DYNC2H1: variants seen among roughly 807,000 people sequenced by gnomAD.
DYNC2H1 encodes the protein cytoplasmic dynein 2 heavy chain 1.
Under a neutral mutation model 570.0 loss-of-function variants are expected in DYNC2H1, and 410 were observed. That is an observed-to-expected ratio of 0.72 (90% CI 0.66 to 0.78). DYNC2H1 has a LOEUF of 0.78. Ranked by LOEUF, DYNC2H1 falls within the 30% of genes least tolerant of loss-of-function variation. The pLI is 0.00. For missense variants in DYNC2H1, 4,865 were observed against 5,046.4 expected (o/e 0.96, Z 1.09); for synonymous variants, 1,688 against 1,677.6 (o/e 1.01, Z -0.15).
At chr11:103,258,654 T>C (rs554935846) in intron 69 of DYNC2H1, among the ~76,000 whole-genome samples, 1 of 152,330 alleles carries the variant, frequency 6.6e-6, no homozygotes, top group South Asian at 2.1e-4. Context: ...AGTAGATGGA[T>C]GGACTTCTTA....
chr11:103,220,705 C>G lies in DYNC2H1; in HGVS notation c.9029C>G (p.Pro3010Arg). 1.2e-6 allele frequency: 2 copies of G among 1,613,062 alleles called. No individual in the cohort carries two copies. The highest frequency in any genetic ancestry group is 1.7e-6 in the Non-Finnish European group (2 of 1,179,364). The change falls in exon 57 of 89, where the codon CCT (proline) becomes CGT (arginine). Residue 3010 changes from proline to arginine, a missense_variant. By Grantham distance (103) the Pro-to-Arg change is moderately radical (BLOSUM62 -2). Transcript: ENST00000375735. ...LSEIRSLRMP[P>R]DVIRDILEGV... is the part of the protein sequence containing the mutation. ...GAAATTCGCTCACTACGCATGCCAC[C>G]TGATGTAATTAGAGATATTCTTGAA...
At chr11:103,146,255 A>G (rs1366879492) in intron 18 of DYNC2H1, among the ~76,000 whole-genome samples, 1 of 152,192 alleles carries the variant, frequency 6.6e-6, no homozygotes. Context: ...ACCTGGCTCT[A>G]TGCTTTAAGA....
At chr11:103,459,921 C>G (rs1030688282) in intron 87 of DYNC2H1, among the ~76,000 whole-genome samples, 2 of 138,950 alleles carry the variant, frequency 1.4e-5, no homozygotes, top group Non-Finnish European at 3.0e-5. Flanking sequence ...CACTGCAGTC[C>G]GCAGTCCGGC....
At chr11:103,306,155 T>C (rs12275959) in intron 77 of DYNC2H1, among the ~76,000 whole-genome samples, 26,308 of 152,188 alleles carry the variant, frequency 0.17, 2,464 homozygotes, top group Admixed American at 0.26. Flanking sequence ...TCAAGTGATC[T>C]GCCTGCCTCA....
In DYNC2H1 at chr11:103,189,577, C is replaced by A; in HGVS notation, c.7293-95C>A. On this transcript the variant is annotated intron_variant, in intron 44 of 88. Transcript: ENST00000375735. The surrounding 1 kb of genome is among the most constrained non-coding windows in gnomAD (Gnocchi z 4.3). ...TGGAGATATGTAGGTCTTAGAGCAG[C>A]ACAGTTTCAAAACCACTGTTGTAAC... The A allele has an allele frequency of 8.1e-7, 1 of 1,232,616 alleles. No individual in the cohort carries two copies. Among genetic ancestry groups the A allele is most frequent in the Non-Finnish European group, 1.1e-6 (1 of 873,570 alleles). 76.4% of individuals were successfully genotyped at this position (1,232,616 alleles called of 1,614,324 possible). A position where few individuals can be genotyped will look rare whatever the true frequency, so the allele number is the denominator to read the frequency against.
At position 103,329,434 on chromosome 11, in the gene DYNC2H1, G is replaced by A. The variant is rs147055184; in HGVS notation, c.12039+5444G>A. Among the ~76,000 whole-genome samples, 580 of 152,158 alleles carry A rather than the reference G, an allele frequency of 3.8e-3. 5 individuals carry two copies. The highest frequency in any genetic ancestry group is 0.013 in the African/African-American group (556 of 41,538). On this transcript the variant is annotated intron_variant, in intron 82 of 88. Coordinates refer to ENST00000375735, the MANE Select transcript of DYNC2H1 (RefSeq NM_001377.3). ...AATGTTGGAGGATAGAAATCTAATT[G>A]CAGTAGTTTGGGAGGGAAAGTGGGT...
intron 83 of DYNC2H1, among the ~76,000 whole-genome samples, chr11:103,377,612 T>C (rs1010189309): frequency 6.6e-6 from 1 of 152,182 alleles, no homozygotes; most frequent in Non-Finnish European, 1.5e-5. Flanking sequence ...ATGAAACTAA[T>C]CTTTTACATT....
At chr11:103,436,394 G>A (rs777832922) in intron 85 of DYNC2H1, among the ~76,000 whole-genome samples, 1 of 151,862 alleles carries the variant, frequency 6.6e-6, no homozygotes, top group African/African-American at 2.4e-5. Flanking sequence ...TCTTCAAATT[G>A]ATCAAGTTTT....
intron 70 of DYNC2H1, among the ~76,000 whole-genome samples, chr11:103,272,061 T>C (rs1355193213): frequency 6.6e-6 from 1 of 152,186 alleles, no homozygotes; most frequent in Admixed American, 6.5e-5. Flanking sequence ...GACCCAGCCA[T>C]CCCATTACTG....
chr11:103,425,800 CAAAA>C (rs556085056), intron 84 of DYNC2H1, among the ~76,000 whole-genome samples: 1 of 150,384 alleles, frequency 6.6e-6, no homozygotes. Context: ...TTATACATAA[CAAAA>C]AAAAGAAGGT....
Position 103,199,988 on chromosome 11 carries a change from T to G in DYNC2H1, c.8089-58T>G. The G allele has an allele frequency of 8.7e-7, 1 of 1,155,394 alleles. No homozygotes were observed. The highest frequency in any genetic ancestry group is 1.3e-6 in the Non-Finnish European group (1 of 793,408). 71.6% of individuals were successfully genotyped at this position (1,155,394 alleles called of 1,614,324 possible). On this transcript the variant is annotated intron_variant, in intron 49 of 88. Coordinates refer to ENST00000375735, the MANE Select transcript of DYNC2H1 (RefSeq NM_001377.3). This position sits in a 1 kb window ranked among gnomAD's most constrained non-coding sequence, Gnocchi z 4.6. Reference sequence around the variant, plus strand: ...TTTACATACAAATACAAAATGTTAATTTTTAACTGTACCAAAAATACTTAA... The same window carrying G: ...TTTACATACAAATACAAAATGTTAAGTTTTAACTGTACCAAAAATACTTAA...
chr11:103,391,605 G>T (rs1942154259), intron 83 of DYNC2H1, among the ~76,000 whole-genome samples: 1 of 152,178 alleles, frequency 6.6e-6, no homozygotes, highest in Admixed American at 6.6e-5. Context: ...TTTCTGCTCT[G>T]TTTTTTCCCC....
rs1867123331 is a variant in DYNC2H1, at chr11:103,303,196, T to C, written c.11199T>C (p.Pro3733=). The change falls in exon 76 of 89, where the codon CCT becomes CCC. Residue 3733 remains proline, a synonymous_variant. Coordinates refer to ENST00000375735, the MANE Select transcript of DYNC2H1 (RefSeq NM_001377.3). The part of the protein sequence containing the change: ...ILIIISPGAD[P]SQELQELANA... ...TAATTATTTCTCCGGGTGCTGATCC[T>C]TCTCAGGAACTTCAAGAACTAGCTA... 1 of 1,612,880 alleles carries C rather than the reference T, an allele frequency of 6.2e-7. No homozygotes were observed. Among genetic ancestry groups the C allele is most frequent in the African/African-American group, 1.3e-5 (1 of 74,998 alleles).
At chr11:103,260,014 C>T (rs1200610781) in intron 70 of DYNC2H1, 37 bp downstream of exon 70, 10 of 1,103,952 alleles carry the variant, frequency 9.1e-6, no homozygotes, top group African/African-American at 1.7e-5. Context: ...TAAAATACTA[C>T]TTGTTCTGTG....
intron 84 of DYNC2H1, among the ~76,000 whole-genome samples, chr11:103,423,389 T>C (rs938214941): frequency 1.0e-5 from 1 of 98,214 alleles, no homozygotes; most frequent in Non-Finnish European, 2.5e-5. Flanking sequence ...AGTAATTAAA[T>C]AGCCAAAAGC....
intron 57 of DYNC2H1, among the ~76,000 whole-genome samples, chr11:103,221,504 A>G (rs1271405621): frequency 6.6e-6 from 1 of 152,202 alleles, no homozygotes; most frequent in Admixed American, 6.5e-5. Context: ...CTTTCATATC[A>G]TTTCTTGTTC....
At chr11:103,357,354 T>C (rs1184030980) in intron 82 of DYNC2H1, among the ~76,000 whole-genome samples, 1 of 152,136 alleles carries the variant, frequency 6.6e-6, no homozygotes, top group Non-Finnish European at 1.5e-5. Context: ...TTGAATTGAT[T>C]GACCCATACT....
chr11:103,128,945 G>T lies in DYNC2H1; in HGVS notation c.1893G>T (p.Met631Ile). ...AHFYNSIDQQ[M>I]IQSQRPMMLQ... ...TTTATAATTCTATTGATCAACAAATGATTCAAAGTCAGAGGCCAATGATGT... is the reference window on the plus strand; with the variant it reads ...TTTATAATTCTATTGATCAACAAATTATTCAAAGTCAGAGGCCAATGATGT... The change falls in exon 13 of 89, where the codon ATG becomes ATT. Residue 631 changes from methionine to isoleucine, a missense_variant. Met to Ile is a conservative substitution (Grantham distance 10). This residue lies in a region of DYNC2H1 where 1,936 missense variants were observed against 1,962.1 expected (regional missense o/e 0.99). Coordinates refer to ENST00000375735, the MANE Select transcript of DYNC2H1 (RefSeq NM_001377.3). 2 of 1,600,758 alleles carry T rather than the reference G, an allele frequency of 1.2e-6. No homozygotes were observed. The highest frequency in any genetic ancestry group is 8.5e-7 in the Non-Finnish European group (1 of 1,175,162).
chr11:103,229,392 C>T (rs533802175), intron 59 of DYNC2H1, among the ~76,000 whole-genome samples: 16 of 152,278 alleles, frequency 1.1e-4, no homozygotes, highest in South Asian at 1.0e-3. Flanking sequence ...TCCTAATTGA[C>T]TTATATTCTT....
Sources: allele counts gnomAD v4.1 joint callset (sites outside exome capture counted in the v4.1 genomes callset), GRCh38; gene constraint gnomAD v4.1.1; regional missense constraint gnomAD v4.1.1; non-coding constraint Gnocchi (gnomAD v3.1); transcripts MANE v1.5; gene names NCBI Gene and HGNC (gene_info 2026-07-23, HGNC 2026-07-21).